WWOX: variants seen among roughly 807,000 people sequenced by gnomAD.
WWOX encodes WW domain containing oxidoreductase, also known as WW domain-containing oxidoreductase.
WWOX carries 69 observed loss-of-function variants against 46.2 expected under a neutral mutation model. The observed-to-expected ratio is 1.49, with a 90% confidence interval of 1.23 to 1.82. The LOEUF is 1.82. WWOX is among the 40% of genes most tolerant of loss of function. WWOX has a pLI of 0.00. For synonymous variants in WWOX, 359 were observed against 202.6 expected, an observed-to-expected ratio of 1.77 and a Z score of -6.56; for missense variants, 919 against 542.6, an observed-to-expected ratio of 1.69 and a Z score of -6.89.
At chr16:78,121,915 C>A (rs569203438) in intron 4 of WWOX, among the ~76,000 whole-genome samples, 1 of 152,254 alleles carries the variant, frequency 6.6e-6, no homozygotes, top group African/African-American at 2.4e-5. Flanking sequence ...CTTGCCTCAA[C>A]CTCCCCAAAT....
At chr16:78,830,280 G>C (rs567611897) in intron 8 of WWOX, among the ~76,000 whole-genome samples, 2 of 148,868 alleles carry the variant, frequency 1.3e-5, no homozygotes, top group African/African-American at 4.9e-5. Flanking sequence ...CTCCCTTTGT[G>C]TATGTTTAAA....
chr16:78,355,850 C>A (rs7200862), intron 5 of WWOX: 95,590 of 645,364 alleles, frequency 0.15, 11,024 homozygotes, highest in African/African-American at 0.44. Flanking sequence ...AGAATTTGTC[C>A]TGTACGGAAA....
intron 5 of WWOX, among the ~76,000 whole-genome samples, chr16:78,232,997 A>G (rs2037319144): frequency 6.6e-6 from 1 of 152,166 alleles, no homozygotes; most frequent in Admixed American, 6.5e-5. Flanking sequence ...GTGCGCCACC[A>G]TGCCCAGCTA....
intron 5 of WWOX, among the ~76,000 whole-genome samples, chr16:78,364,253 T>G (rs184842393): frequency 8.5e-5 from 13 of 152,366 alleles, no homozygotes; most frequent in Non-Finnish European, 1.8e-4. Flanking sequence ...GCCATTAAAT[T>G]TATTTTAATA....
intron 8 of WWOX, chr16:78,897,621 G>C (rs1262478151): frequency 6.6e-6 from 1 of 152,112 alleles, no homozygotes; most frequent in African/African-American, 2.4e-5. Context: ...TATGAATAAA[G>C]CTACCACGAA....
At chr16:78,132,856 T>A (rs1355714158) in intron 4 of WWOX, among the ~76,000 whole-genome samples, 1 of 152,216 alleles carries the variant, frequency 6.6e-6, no homozygotes, top group African/African-American at 2.4e-5. Context: ...ATAATTGCCA[T>A]AATTCTTATT....
chr16:78,344,211 C>T lies in WWOX; in HGVS notation c.517-42649C>T, dbSNP rs1300544425. On this transcript the variant is annotated intron_variant, in intron 5 of 8. Coordinates refer to ENST00000566780, the MANE Select transcript of WWOX (RefSeq NM_016373.4). ...GCTGGTATTTATGAGTGAATGGCAGCGTTTTGACAGGATGATGAATAAATA... is the reference window on the plus strand; with the variant it reads ...GCTGGTATTTATGAGTGAATGGCAGTGTTTTGACAGGATGATGAATAAATA... Among the ~76,000 whole-genome samples, 3 of 119,864 alleles carry T rather than the reference C, an allele frequency of 2.5e-5. 1 individual carries two copies. The highest frequency in any genetic ancestry group is 4.0e-5 in the Non-Finnish European group (2 of 50,374). The allele number at this position is 119,864 out of a possible 152,430, so 78.6% of individuals were successfully genotyped here.
intron 5 of WWOX, among the ~76,000 whole-genome samples, chr16:78,305,200 C>A (rs548075230): frequency 6.6e-6 from 1 of 152,178 alleles, no homozygotes; most frequent in African/African-American, 2.4e-5. Flanking sequence ...AAATCACCAA[C>A]TGAATTTTTT....
In WWOX at chr16:79,140,377, G is replaced by A. The variant is rs187928923; in HGVS notation, c.1057-71231G>A. On this transcript the variant is annotated intron_variant, in intron 8 of 8. Transcript: ENST00000566780. ...GTTAGAATTGAATCGAACTTCCACC[G>A]CAGCATCCGCCAGCTCTTATAATCA... Among the ~76,000 whole-genome samples the A allele has an allele frequency of 3.6e-3, 543 of 152,246 alleles. 15 individuals carry two copies. The highest frequency in any genetic ancestry group is 2.9e-3 in the South Asian group (14 of 4,814).
At chr16:78,608,637 C>G (rs951721600) in intron 8 of WWOX, among the ~76,000 whole-genome samples, 15 of 152,164 alleles carry the variant, frequency 9.9e-5, no homozygotes, top group African/African-American at 3.4e-4. Context: ...GGTCACCAAC[C>G]CGTTCCATCT....
At chr16:79,148,376 C>A (rs1002849439) in intron 8 of WWOX, among the ~76,000 whole-genome samples, 3 of 152,086 alleles carry the variant, frequency 2.0e-5, no homozygotes, top group African/African-American at 7.2e-5. Flanking sequence ...ATGAATTGAG[C>A]ATGTTTGTGT....
chr16:78,812,967 T>A (rs1567577516), intron 8 of WWOX, among the ~76,000 whole-genome samples: 1 of 152,206 alleles, frequency 6.6e-6, no homozygotes, highest in Non-Finnish European at 1.5e-5. Flanking sequence ...AATATAAGAA[T>A]TTTGTTATGA....
intron 8 of WWOX, among the ~76,000 whole-genome samples, chr16:79,043,202 G>GA (rs112852442): frequency 0.024 from 3,562 of 151,042 alleles, 146 homozygotes; most frequent in African/African-American, 0.081. Context: ...TTTTTTAAAT[G>GA]AAAAAAAAAT....
intron 8 of WWOX, among the ~76,000 whole-genome samples, chr16:78,704,588 C>T (rs2048292872): frequency 6.6e-6 from 1 of 152,126 alleles, no homozygotes; most frequent in South Asian, 2.1e-4. Context: ...TTGAAATTTC[C>T]ATTAGGAGAT....
chr16:79,113,750 C>A (rs540002053), intron 8 of WWOX, among the ~76,000 whole-genome samples: 1 of 152,210 alleles, frequency 6.6e-6, no homozygotes, highest in Non-Finnish European at 1.5e-5. Context: ...AACTTTTCAC[C>A]CGAGGAGGGG....
At position 78,277,713 on chromosome 16, in the gene WWOX, C is replaced by T. The variant is rs111545408; in HGVS notation, c.517-109147C>T. Among the ~76,000 whole-genome samples, 5 of 152,216 alleles carry T rather than the reference C, an allele frequency of 3.3e-5. No individual in the cohort carries two copies. The East Asian group carries it at 5.8e-4, about 18-fold the overall frequency. On this transcript the variant is annotated intron_variant, in intron 5 of 8. Coordinates refer to ENST00000566780, the MANE Select transcript of WWOX (RefSeq NM_016373.4). ...TTTGTGGGGCCGTTTCATGTTTGCA[C>T]GGTTTGGCTTGGCTTGGGACTCGGC... is the stretch of plus-strand genomic sequence containing the variant.
chr16:78,947,004 TC>T (rs1424629896), intron 8 of WWOX, among the ~76,000 whole-genome samples: 2 of 151,772 alleles, frequency 1.3e-5, no homozygotes, highest in African/African-American at 4.8e-5. Context: ...GGGACTTTGT[TC>T]CCCCTCAGTC....
At position 79,167,097 on chromosome 16, in the gene WWOX, C is replaced by T. The variant is rs143252486; in HGVS notation, c.1057-44511C>T. On this transcript the variant is annotated intron_variant, in intron 8 of 8. Coordinates refer to ENST00000566780, the MANE Select transcript of WWOX (RefSeq NM_016373.4). The stretch of plus-strand genomic sequence containing the variant: ...CTGTGATTACAGGTGTGTGCTACCA[C>T]GGCCGGCTAATTTTTTTGTATTTTA... 1.5e-4 allele frequency among the ~76,000 whole-genome samples: 23 copies of T among 152,150 alleles called. No homozygotes were observed. In the East Asian group the frequency reaches 3.9e-3, roughly 26 times the overall value.
At chr16:78,472,358 T>C (rs1841997138) in intron 8 of WWOX, among the ~76,000 whole-genome samples, 1 of 152,206 alleles carries the variant, frequency 6.6e-6, no homozygotes, top group African/African-American at 2.4e-5. Context: ...TGTTCATTTT[T>C]AAATAATGAA....
Sources: allele counts gnomAD v4.1 joint callset (sites outside exome capture counted in the v4.1 genomes callset), GRCh38; gene constraint gnomAD v4.1.1; transcripts MANE v1.5; gene names NCBI Gene and HGNC (gene_info 2026-07-23, HGNC 2026-07-21).